Variants in CEP128 observed in about 807,000 individuals in gnomAD.
CEP128 encodes the protein centrosomal protein 128kDa.
CEP128 carries 132 observed loss-of-function variants against 156.7 expected under a neutral mutation model. The observed-to-expected ratio is 0.84, with a 90% CI of 0.73 to 0.97. The LOEUF (loss-of-function observed/expected upper bound fraction) is 0.97. Among genes scored for constraint, CEP128 ranks in the 50% least tolerant of loss-of-function variants. The probability of loss-of-function intolerance (pLI) is 0.00; values close to 1 mark genes in which losing one functional copy is unlikely to be tolerated. For synonymous variants in CEP128, 469 were observed against 448.9 expected (o/e 1.04, Z -0.57); for missense variants, 1,252 against 1,281.9 (o/e 0.98, Z 0.36).
intron 2 of CEP128, among the ~76,000 whole-genome samples, chr14:80,921,332 G>C (rs1205737623): frequency 6.6e-6 from 1 of 152,036 alleles, no homozygotes; most frequent in Non-Finnish European, 1.5e-5. Context: ...AGTGGGCACT[G>C]GTGGTTTTAC....
intron 19 of CEP128, among the ~76,000 whole-genome samples, chr14:80,680,809 C>T (rs565158333): frequency 1.9e-4 from 29 of 152,264 alleles, no homozygotes; most frequent in African/African-American, 6.5e-4. Context: ...ACTGGATTCT[C>T]TCCTAGCACT....
intron 2 of CEP128, among the ~76,000 whole-genome samples, chr14:80,930,997 A>G (rs1302483760): frequency 6.6e-6 from 1 of 152,224 alleles, no homozygotes; most frequent in Non-Finnish European, 1.5e-5. Flanking sequence ...GAGGATAGTG[A>G]GGTACAACTG....
At chr14:80,880,086 T>C (rs1888460429) in intron 8 of CEP128, among the ~76,000 whole-genome samples, 1 of 152,194 alleles carries the variant, frequency 6.6e-6, no homozygotes, top group Non-Finnish European at 1.5e-5. Flanking sequence ...TTCAATAAAA[T>C]ATTTGCAAAC....
chr14:80,832,214 T>C (rs1276222675), intron 12 of CEP128, among the ~76,000 whole-genome samples: 3 of 152,216 alleles, frequency 2.0e-5, no homozygotes, highest in Non-Finnish European at 2.9e-5. Context: ...ACCTCTTTCC[T>C]TTATAAATTA....
chr14:80,728,202 C>T (rs1481702084), intron 19 of CEP128, among the ~76,000 whole-genome samples: 1 of 152,130 alleles, frequency 6.6e-6, no homozygotes, highest in African/African-American at 2.4e-5. Context: ...TCCTTTGCAG[C>T]AACATGTATG....
rs1053532917 is a variant in CEP128, at chr14:80,557,929, T to C, written c.2880+1350A>G. Among the ~76,000 whole-genome samples the C allele has an allele frequency of 2.6e-5, 4 of 152,158 alleles. No individual in the cohort carries two copies. In the East Asian group the frequency reaches 7.7e-4, roughly 29 times the overall value. On this transcript the variant is annotated intron_variant, in intron 21 of 24. Coordinates refer to ENST00000555265, the MANE Select transcript of CEP128 (RefSeq NM_152446.5). ...TTTTTAAATGTAAAATATGCACATT[T>C]AATATTTTTATCACTCTTTATATAT...
Position 80,583,288 on chromosome 14 carries a change from T to C in CEP128, c.2807-2865A>G, listed in dbSNP as rs925570747. On this transcript the variant is annotated intron_variant, in intron 19 of 24. Coordinates refer to ENST00000555265, the MANE Select transcript of CEP128 (RefSeq NM_152446.5). ...AATAAATATTCTCCCTGACTGACCA[T>C]CTTGTATAAAGGGTATAAGCAGACA... Among the ~76,000 whole-genome samples the C allele has an allele frequency of 5.3e-5, 8 of 152,284 alleles. No homozygotes were observed. The Middle Eastern group carries it at 0.024, about 453-fold the overall frequency.
intron 13 of CEP128, among the ~76,000 whole-genome samples, chr14:80,827,975 A>G (rs929961053): frequency 1.1e-4 from 17 of 152,130 alleles, no homozygotes; most frequent in African/African-American, 3.6e-4. Context: ...AGAAAACTCA[A>G]GTTTCCAGAT....
intron 17 of CEP128, among the ~76,000 whole-genome samples, chr14:80,760,672 T>C (rs1007308654): frequency 9.9e-5 from 15 of 152,110 alleles, no homozygotes; most frequent in African/African-American, 3.6e-4. Context: ...AACAATGTAA[T>C]GTTCTCTGTA....
chr14:80,524,348 A>G (rs1027550171), intron 23 of CEP128, among the ~76,000 whole-genome samples: 1 of 152,270 alleles, frequency 6.6e-6, no homozygotes, highest in Non-Finnish European at 1.5e-5. Context: ...GTTAATAGCT[A>G]CTGAAATAAT....
intron 24 of CEP128, among the ~76,000 whole-genome samples, chr14:80,500,909 A>G (rs1355580106): frequency 1.3e-5 from 2 of 151,024 alleles, no homozygotes; most frequent in Non-Finnish European, 3.0e-5. Context: ...CTTCTTGTTC[A>G]TTTTTTCCTC....
intron 20 of CEP128, among the ~76,000 whole-genome samples, chr14:80,574,632 A>C (rs962651042): frequency 6.6e-6 from 1 of 152,104 alleles, no homozygotes; most frequent in African/African-American, 2.4e-5. Flanking sequence ...GGCATTCTTT[A>C]TATTATAACA....
intron 19 of CEP128, among the ~76,000 whole-genome samples, chr14:80,614,159 G>T (rs1893117486): frequency 6.6e-6 from 1 of 151,904 alleles, no homozygotes; most frequent in African/African-American, 2.4e-5. Context: ...AAAAATTGAG[G>T]TGGTTAAAAA....
At chr14:80,938,272 A>G (rs1171469849) in intron 2 of CEP128, among the ~76,000 whole-genome samples, 2 of 132,146 alleles carry the variant, frequency 1.5e-5, no homozygotes, top group African/African-American at 5.8e-5. Flanking sequence ...TTTGAGACAG[A>G]GTCTTGCTCT....
chr14:80,546,860 G>A (rs551911526), intron 21 of CEP128, among the ~76,000 whole-genome samples: 3 of 152,280 alleles, frequency 2.0e-5, no homozygotes, highest in Non-Finnish European at 2.9e-5. Flanking sequence ...TTTACTGTTT[G>A]ATGTTCAAAT....
At chr14:80,597,646 G>GAA (rs71456212) in intron 19 of CEP128, among the ~76,000 whole-genome samples, 1 of 138,022 alleles carries the variant, frequency 7.2e-6, no homozygotes. Flanking sequence ...AGAAAGAAAA[G>GAA]AAAAAAAAAA....
At position 80,880,870 on chromosome 14, in the gene CEP128, AT is replaced by A. The variant is rs1888508602; in HGVS notation, c.645+14847del. Among the ~76,000 whole-genome samples, 3 of 43,116 alleles carry A rather than the reference AT, an allele frequency of 7.0e-5. No individual in the cohort carries two copies. The South Asian group carries it at 3.0e-3, about 43-fold the overall frequency. The allele number at this position is 43,116 out of a possible 152,430, so 28.3% of individuals were successfully genotyped here. Reference sequence around the variant, plus strand: ...AGAGCAAGACTCCATCTCAAAAATAATAATAATAATAATAATAATAATAATA... The same window carrying A: ...AGAGCAAGACTCCATCTCAAAAATAAAATAATAATAATAATAATAATAATA... On this transcript the variant is annotated intron_variant, in intron 8 of 24. Transcript: ENST00000555265.
At chr14:80,806,212 C>T (rs1034786686) in intron 13 of CEP128, among the ~76,000 whole-genome samples, 7 of 152,228 alleles carry the variant, frequency 4.6e-5, no homozygotes, top group African/African-American at 1.7e-4. Context: ...TATTTCCAAA[C>T]AAATCCTACG....
At chr14:80,624,581 C>A (rs188957162) in intron 19 of CEP128, among the ~76,000 whole-genome samples, 1 of 152,226 alleles carries the variant, frequency 6.6e-6, no homozygotes, top group East Asian at 1.9e-4. Context: ...ACATCCTTGC[C>A]AGCATTTGTT....
Sources: allele counts gnomAD v4.1 joint callset (sites outside exome capture counted in the v4.1 genomes callset), GRCh38; gene constraint gnomAD v4.1.1; transcripts MANE v1.5; gene names NCBI Gene and HGNC (gene_info 2026-07-23, HGNC 2026-07-21).